Variants in NGFR observed in about 807,000 individuals in gnomAD.
The protein encoded by NGFR is nerve growth factor receptor, also known as tumor necrosis factor receptor superfamily member 16.
Under a neutral mutation model 43.2 loss-of-function variants are expected in NGFR, and 30 were observed. The observed-to-expected ratio is 0.69, with a 90% CI of 0.52 to 0.94. NGFR has a LOEUF of 0.94. Ranked by LOEUF, NGFR falls within the 40% of genes least tolerant of loss-of-function variation. The probability of loss-of-function intolerance (pLI) is 0.00; values close to 1 mark genes in which losing one functional copy is unlikely to be tolerated. For missense variants in NGFR, 529 were observed against 602.5 expected, an observed-to-expected ratio of 0.88 and a Z score of 1.28; for synonymous variants, 246 against 259.6, an observed-to-expected ratio of 0.95 and a Z score of 0.50.
rs775218698 is a variant in NGFR at position 49,506,539 on chromosome 17, C to G, written c.449C>G (p.Pro150Arg). Residue 150 changes from proline (P) to arginine (R), a missense_variant, in exon 3 of 6, where the codon CCC (proline) becomes CGC (arginine). Pro to Arg is a moderately radical substitution (Grantham distance 103). Coordinates refer to ENST00000172229, the MANE Select transcript of NGFR (RefSeq NM_002507.4). ...DKQNTVCEEC[P>R]DGTYSDEANH... ...CAGAACACCGTGTGCGAGGAGTGCC[C>G]CGACGGCACGTATTCCGACGAGGCC... The G allele has an allele frequency of 2.5e-6, 4 of 1,611,740 alleles. No individual in the cohort carries two copies. Among genetic ancestry groups the G allele is most frequent in the Non-Finnish European group, 2.5e-6 (3 of 1,179,586 alleles).
chr17:49,509,505 G>GA (rs2071218729), intron 3 of NGFR, among the ~76,000 whole-genome samples: 5 of 152,202 alleles, frequency 3.3e-5, no homozygotes, highest in South Asian at 4.1e-4. Flanking sequence ...ACTGGTGCCA[G>GA]GAAGGGCTGG....
chr17:49,501,880 C>T (rs1432995737), intron 1 of NGFR, among the ~76,000 whole-genome samples, 183 bp from the exon 2 acceptor site: 1 of 152,246 alleles, frequency 6.6e-6, no homozygotes, highest in Non-Finnish European at 1.5e-5. Context: ...GGCACACTGT[C>T]CCTCACTTGC....
In NGFR at chr17:49,513,031, C is replaced by T. The variant is rs1004922962; in HGVS notation, c.*22C>T. 1 of 1,490,826 alleles carries T rather than the reference C, an allele frequency of 6.7e-7. No homozygotes were observed. Among genetic ancestry groups the T allele is most frequent in the East Asian group, 2.4e-5 (1 of 41,440 alleles). The allele number at this position is 1,490,826 out of a possible 1,614,324, so 92.3% of individuals were successfully genotyped here. On this transcript the variant is annotated 3_prime_UTR_variant, in exon 6 of 6. Coordinates refer to ENST00000172229, the MANE Select transcript of NGFR (RefSeq NM_002507.4). ...GTGAGCCCAACCGGGGAGCCCCCGC[C>T]CCGCCCCACATTCCGACAACCGATG... is the stretch of plus-strand genomic sequence containing the variant.
rs140228242 is a variant in NGFR at position 49,506,462 on chromosome 17, G to T, written c.372G>T (p.Ala124=). 1.9e-6 allele frequency: 3 copies of T among 1,609,132 alleles called. No homozygotes were observed. Among genetic ancestry groups the T allele is most frequent in the East Asian group, 2.2e-5 (1 of 44,826 alleles). Residue 124 remains alanine (A), a synonymous_variant, in exon 3 of 6, where the codon GCG becomes GCT. Coordinates refer to ENST00000172229, the MANE Select transcript of NGFR (RefSeq NM_002507.4). The part of the protein sequence containing the change: ...YQDETTGRCE[A]CRVCEAGSGL... ...ATGAGACGACTGGGCGCTGCGAGGCGTGCCGCGTGTGCGAGGCGGGCTCGG... is the reference window on the plus strand; with the variant it reads ...ATGAGACGACTGGGCGCTGCGAGGCTTGCCGCGTGTGCGAGGCGGGCTCGG...
intron 1 of NGFR, among the ~76,000 whole-genome samples, chr17:49,499,375 C>G (rs893497448): frequency 6.6e-6 from 1 of 152,010 alleles, no homozygotes; most frequent in African/African-American, 2.4e-5. Context: ...AAGAGGGGTC[C>G]CAAAGTACAT....
chr17:49,506,204 G>A, intron 2 of NGFR, 95 bp from the exon 3 acceptor site: 3 of 1,491,624 alleles, frequency 2.0e-6, no homozygotes, highest in Admixed American at 2.3e-5. Context: ...GGAAGTCAGC[G>A]TCCTGGCAGG....
At position 49,501,347 on chromosome 17, in the gene NGFR, G is replaced by A. The variant is rs559231696; in HGVS notation, c.67-716G>A. On this transcript the variant is annotated intron_variant, in intron 1 of 5. Coordinates refer to ENST00000172229, the MANE Select transcript of NGFR (RefSeq NM_002507.4). ...CAGTTCTCCCTTTCTCTCCATCTTG[G>A]TGCGAGGCTTTTGCCAAATGGCTGG... 2.0e-5 allele frequency among the ~76,000 whole-genome samples: 3 copies of A among 152,292 alleles called. No individual in the cohort carries two copies. The South Asian group carries it at 6.2e-4, about 32-fold the overall frequency.
In NGFR at chr17:49,502,093, C is replaced by T; in HGVS notation, c.97C>T (p.Pro33Ser). 6.3e-7 allele frequency: 1 copy of T among 1,591,836 alleles called. No homozygotes were observed. Among genetic ancestry groups the T allele is most frequent in the Non-Finnish European group, 8.6e-7 (1 of 1,165,016 alleles). The change falls in exon 2 of 6, where the codon CCC becomes TCC. Residue 33 changes from proline (P) to serine (S), a missense_variant. Transcript: ENST00000172229. ...CCTTGGAGGTGCCAAGGAGGCATGC[C>T]CCACAGGCCTGTACACACACAGCGG... ...VSLGGAKEAC[P>S]TGLYTHSGEC...
chr17:49,501,999 A>AGGGGGCCCCCC, intron 1 of NGFR, 64 bp from the exon 2 acceptor site: 5 of 330,978 alleles, frequency 1.5e-5, no homozygotes, highest in Non-Finnish European at 2.9e-5. Flanking sequence ...TCCCCGGAAG[A>AGGGGGCCCCCC]ACCCCCCCCA....
At chr17:49,506,239 C>A in intron 2 of NGFR, 60 bp from the exon 3 acceptor site, 1 of 1,506,150 alleles carries the variant, frequency 6.6e-7, no homozygotes, top group Non-Finnish European at 8.8e-7. Flanking sequence ...GAGACTCCAG[C>A]TCCTGCGTCC....
intron 4 of NGFR, 28 bp from the exon 5 acceptor site, chr17:49,511,864 T>C (rs2071234947): frequency 1.9e-6 from 3 of 1,564,476 alleles, no homozygotes; most frequent in Non-Finnish European, 2.6e-6. Flanking sequence ...CCTCGCCCCC[T>C]GAAACCTGGC....
Position 49,510,476 on chromosome 17 carries a change from C to T in NGFR, c.633C>T (p.Ser211=), listed in dbSNP as rs777853819. The part of the protein sequence containing the change: ...PPEGSDSTAP[S]TQEPEAPPEQ... ...AGGGCTCGGACAGCACAGCCCCCAG[C>T]ACCCAGGAGCCTGAGGCACCTCCAG... The change falls in exon 4 of 6, where the codon AGC becomes AGT. Residue 211 remains serine, a synonymous_variant. Transcript: ENST00000172229. 3 of 1,614,126 alleles carry T rather than the reference C, an allele frequency of 1.9e-6. No homozygotes were observed. Among genetic ancestry groups the T allele is most frequent in the Non-Finnish European group, 2.5e-6 (3 of 1,180,014 alleles).
In NGFR at chr17:49,512,864, C is replaced by T. The variant is rs2071243183; in HGVS notation, c.1139C>T (p.Ala380Val). The T allele has an allele frequency of 1.9e-6, 3 of 1,613,270 alleles. No individual in the cohort carries two copies. The highest frequency in any genetic ancestry group is 2.2e-5 in the East Asian group (1 of 44,894). The change falls in exon 6 of 6, where the codon GCC becomes GTC. Residue 380 changes from alanine (A) to valine (V), a missense_variant. Physicochemically the swap from Ala to Val is moderately conservative, Grantham distance 64 (BLOSUM62 0). Coordinates refer to ENST00000172229, the MANE Select transcript of NGFR (RefSeq NM_002507.4). The surrounding 1 kb of genome is among the most constrained non-coding windows in gnomAD (Gnocchi z 5.2). ...CACATAGACTCCTTTACCCATGAGG[C>T]CTGCCCCGTTCGCGCCCTGCTTGCA... Reference protein sequence around the residue: ...PEHIDSFTHEACPVRALLASW... With the variant: ...PEHIDSFTHEVCPVRALLASW...
rs1024637910 is a variant in NGFR at position 49,513,067 on chromosome 17, C to A, written c.*58C>A. ...TTCCGACAACCGATGCTCCAGCCAA[C>A]CCCTGTGGAGCCCGCACCCCCACCC... On this transcript the variant is annotated 3_prime_UTR_variant, in exon 6 of 6. Coordinates refer to ENST00000172229, the MANE Select transcript of NGFR (RefSeq NM_002507.4). 6 of 1,446,026 alleles carry A rather than the reference C, an allele frequency of 4.1e-6. No homozygotes were observed. The highest frequency in any genetic ancestry group is 5.5e-6 in the Non-Finnish European group (6 of 1,096,362). The allele number at this position is 1,446,026 out of a possible 1,614,324, so 89.6% of individuals were successfully genotyped here. A position where few individuals can be genotyped will look rare whatever the true frequency, so the allele number is the denominator to read the frequency against.
chr17:49,501,999 A>ATGGGCCCCCCCCCCCCCCCCC, intron 1 of NGFR, 64 bp from the exon 2 acceptor site: 1 of 330,984 alleles, frequency 3.0e-6, no homozygotes, highest in Non-Finnish European at 5.9e-6. Context: ...TCCCCGGAAG[A>ATGGGCCCCCCCCCCCCCCCCC]ACCCCCCCCA....
At position 49,510,515 on chromosome 17, in the gene NGFR, A is replaced by C. The variant is rs770905922; in HGVS notation, c.672A>C (p.Ile224=). 79 of 1,613,914 alleles carry C rather than the reference A, an allele frequency of 4.9e-5. No homozygotes were observed. The South Asian group carries it at 8.7e-4, about 18-fold the overall frequency. ...EPEAPPEQDL[I]ASTVAGVVTT... is the part of the protein sequence containing the mutation. Reference sequence around the variant, plus strand: ...AGGCACCTCCAGAACAAGACCTCATAGCCAGCACGGTGGCAGGTGTGGTGA... The same window carrying C: ...AGGCACCTCCAGAACAAGACCTCATCGCCAGCACGGTGGCAGGTGTGGTGA... Residue 224 remains isoleucine (I), a synonymous_variant, in exon 4 of 6, where the codon ATA becomes ATC. Coordinates refer to ENST00000172229, the MANE Select transcript of NGFR (RefSeq NM_002507.4).
rs1017635682 is a variant in NGFR, at chr17:49,512,377, C to T, written c.982+325C>T. Among the ~76,000 whole-genome samples, 13 of 152,200 alleles carry T rather than the reference C, an allele frequency of 8.5e-5. No homozygotes were observed. Among genetic ancestry groups the T allele is most frequent in the African/African-American group, 3.1e-4 (13 of 41,440 alleles). ...GGGGAACAAGTAGTTAAGTGTGTAC[C>T]CTAATTAGTGGCCCATAGCCCAGCT... On this transcript the variant is annotated intron_variant, in intron 5 of 5. Coordinates refer to ENST00000172229, the MANE Select transcript of NGFR (RefSeq NM_002507.4). The surrounding 1 kb of genome is among the most constrained non-coding windows in gnomAD (Gnocchi z 5.2).
At chr17:49,510,723 G>C in intron 4 of NGFR, 59 bp downstream of exon 4, 1 of 1,593,240 alleles carries the variant, frequency 6.3e-7, no homozygotes, top group Non-Finnish European at 8.6e-7. Flanking sequence ...GGAAGACTTT[G>C]CTGTGACCTT....
chr17:49,495,467 T>C lies in NGFR; in HGVS notation c.50T>C (p.Leu17Pro). ...GCCATGGACGGGCCGCGCCTGCTGC[T>C]GTTGCTGCTTCTGGGGGTGAGTGTT... Reference protein sequence around the residue: ...GRAMDGPRLLLLLLLGVSLGG... With the variant: ...GRAMDGPRLLPLLLLGVSLGG... The change falls in exon 1 of 6, where the codon CTG (leucine) becomes CCG (proline). Residue 17 changes from leucine (L) to proline (P), a missense_variant. Leu to Pro is a moderately conservative substitution (Grantham distance 98). Coordinates refer to ENST00000172229, the MANE Select transcript of NGFR (RefSeq NM_002507.4). The surrounding 1 kb of genome is among the most constrained non-coding windows in gnomAD (Gnocchi z 6.4). 1 of 1,236,910 alleles carries C rather than the reference T, an allele frequency of 8.1e-7. No individual in the cohort carries two copies. The highest frequency in any genetic ancestry group is 1.0e-6 in the Non-Finnish European group (1 of 988,676). 76.6% of individuals were successfully genotyped at this position (1,236,910 alleles called of 1,614,324 possible). A position where few individuals can be genotyped will look rare whatever the true frequency, so the allele number is the denominator to read the frequency against.
Sources: gnomAD v4.1 joint callset for allele counts (sites outside exome capture counted in the v4.1 genomes callset) on GRCh38, gnomAD v4.1.1 for gene constraint, Gnocchi (gnomAD v3.1) non-coding constraint, MANE v1.5 for transcripts, NCBI Gene and HGNC (gene_info 2026-07-23, HGNC 2026-07-21) for gene names.